Variants in SEMA5A observed in about 807,000 individuals in gnomAD.
The protein encoded by SEMA5A is semaphorin-5A.
SEMA5A carries 55 observed loss-of-function variants against 135.5 expected under a neutral mutation model. The ratio of observed to expected loss-of-function variants is 0.41; its 90% CI spans 0.33 to 0.51. The LOEUF is 0.51. Ranked by LOEUF, SEMA5A falls within the 20% of genes least tolerant of loss-of-function variation. The pLI, the probability that SEMA5A is intolerant of heterozygous loss-of-function variation, is 0.37. For missense variants in SEMA5A, 1,290 were observed against 1,419.9 expected (o/e 0.91, Z 1.47); for synonymous variants, 580 against 546.5 (o/e 1.06, Z -0.85).
At chr5:9,385,738 T>C (rs915637035) in intron 2 of SEMA5A, among the ~76,000 whole-genome samples, 1 of 151,024 alleles carries the variant, frequency 6.6e-6, no homozygotes, top group Non-Finnish European at 1.5e-5. Context: ...TTACAGATTG[T>C]CATAATGTAA....
chr5:9,334,407 T>G (rs943520869), intron 4 of SEMA5A, among the ~76,000 whole-genome samples: 1 of 152,196 alleles, frequency 6.6e-6, no homozygotes, highest in African/African-American at 2.4e-5. Flanking sequence ...CTGAGCCTAA[T>G]CCCATGAAAT....
rs546103642 is a variant in SEMA5A at position 9,423,420 on chromosome 5, G to A, written c.-78+14336C>T. Among the ~76,000 whole-genome samples, 9 of 152,210 alleles carry A rather than the reference G, an allele frequency of 5.9e-5. No homozygotes were observed. The East Asian group carries it at 9.7e-4, about 16-fold the overall frequency. ...GATCATTGTGCAGTACAAACTATGC[G>A]CAGCCTTTTCACAAAGGCTTCCCTA... On this transcript the variant is annotated intron_variant, in intron 2 of 22. Transcript: ENST00000382496.
intron 9 of SEMA5A, among the ~76,000 whole-genome samples, chr5:9,197,742 G>A (rs866206107): frequency 2.7e-5 from 3 of 112,524 alleles, no homozygotes; most frequent in East Asian, 5.5e-4. Flanking sequence ...GTGTGTGTGT[G>A]TGTGTGTGTG....
At chr5:9,370,191 C>T (rs1451750628) in intron 3 of SEMA5A, among the ~76,000 whole-genome samples, 3 of 152,172 alleles carry the variant, frequency 2.0e-5, no homozygotes, top group African/African-American at 7.2e-5. Context: ...ATCAAACATA[C>T]AAATGAGAAT....
chr5:9,292,542 A>G (rs1284311962), intron 5 of SEMA5A, among the ~76,000 whole-genome samples: 1 of 152,188 alleles, frequency 6.6e-6, no homozygotes, highest in Non-Finnish European at 1.5e-5. Flanking sequence ...AGGTAAATAA[A>G]TGGTGAATTT....
chr5:9,061,842 A>G (rs1737199629), intron 18 of SEMA5A, among the ~76,000 whole-genome samples: 1 of 152,176 alleles, frequency 6.6e-6, no homozygotes, highest in African/African-American at 2.4e-5. Flanking sequence ...TTAATGAGGT[A>G]GACCTTTTGT....
intron 12 of SEMA5A, among the ~76,000 whole-genome samples, chr5:9,146,572 G>A (rs867090239): frequency 1.4e-4 from 21 of 152,166 alleles, no homozygotes; most frequent in African/African-American, 4.8e-4. Context: ...AGGTCCTAGT[G>A]TATTCCGGGA....
At chr5:9,321,174 G>C (rs1752613125) in intron 4 of SEMA5A, among the ~76,000 whole-genome samples, 1 of 152,104 alleles carries the variant, frequency 6.6e-6, no homozygotes, top group Non-Finnish European at 1.5e-5. Flanking sequence ...GAAGGCCCAA[G>C]CTTGCTTCCC....
intron 4 of SEMA5A, among the ~76,000 whole-genome samples, chr5:9,319,196 C>G (rs1417431682): frequency 6.6e-6 from 1 of 151,912 alleles, no homozygotes; most frequent in East Asian, 1.9e-4. Flanking sequence ...AGGGCGAGAC[C>G]CTGTCTCAAA....
At chr5:9,275,017 C>G (rs1750179940) in intron 5 of SEMA5A, among the ~76,000 whole-genome samples, 1 of 151,824 alleles carries the variant, frequency 6.6e-6, no homozygotes, top group East Asian at 1.9e-4. Flanking sequence ...CATGAAAACC[C>G]CTCAAAAAAA....
At chr5:9,394,181 A>G (rs180803228) in intron 2 of SEMA5A, among the ~76,000 whole-genome samples, 5 of 152,212 alleles carry the variant, frequency 3.3e-5, no homozygotes, top group Admixed American at 1.3e-4. Flanking sequence ...CCCCCAGTGG[A>G]ATGAGGTCAC....
chr5:9,330,347 A>G (rs1201451024), intron 4 of SEMA5A, among the ~76,000 whole-genome samples: 8 of 151,518 alleles, frequency 5.3e-5, no homozygotes, highest in East Asian at 1.9e-4. Context: ...CTGAGATCAC[A>G]CCACTGCACT....
At chr5:9,298,770 A>G (rs1381967449) in intron 5 of SEMA5A, among the ~76,000 whole-genome samples, 1 of 152,212 alleles carries the variant, frequency 6.6e-6, no homozygotes, top group East Asian at 1.9e-4. Flanking sequence ...GGTAGCTGAC[A>G]TTTTTGCAGC....
At chr5:9,428,768 C>A (rs1384338388) in intron 2 of SEMA5A, among the ~76,000 whole-genome samples, 1 of 152,140 alleles carries the variant, frequency 6.6e-6, no homozygotes, top group Admixed American at 6.6e-5. Context: ...CAATAAACTT[C>A]TTAAACTAAA....
At chr5:9,501,616 C>T (rs887185570) in intron 1 of SEMA5A, among the ~76,000 whole-genome samples, 13 of 152,194 alleles carry the variant, frequency 8.5e-5, no homozygotes, top group African/African-American at 1.7e-4. Flanking sequence ...CGACCAGCTC[C>T]CTTCCCTCCT....
chr5:9,543,878 G>GA (rs545165485), intron 1 of SEMA5A, among the ~76,000 whole-genome samples: 26 of 149,754 alleles, frequency 1.7e-4, no homozygotes, highest in African/African-American at 3.2e-4. Context: ...TTTTGGAGGG[G>GA]AAAAAAAAAT....
At chr5:9,162,579 T>TAG (rs1560977382) in intron 11 of SEMA5A, among the ~76,000 whole-genome samples, 1 of 129,004 alleles carries the variant, frequency 7.8e-6, no homozygotes, top group African/African-American at 3.3e-5. Flanking sequence ...TATATATATA[T>TAG]ATATATACAC....
intron 3 of SEMA5A, among the ~76,000 whole-genome samples, chr5:9,377,665 G>T (rs194265): frequency 0.088 from 13,400 of 152,204 alleles, 691 homozygotes; most frequent in East Asian, 0.13. Context: ...GAAATAATTA[G>T]GTTGGTCAGC....
chr5:9,401,668 T>G (rs1298497493), intron 2 of SEMA5A, among the ~76,000 whole-genome samples: 1 of 152,172 alleles, frequency 6.6e-6, no homozygotes, highest in Non-Finnish European at 1.5e-5. Flanking sequence ...CAAGCATCTT[T>G]CCATAAATTA....
Sources: gnomAD v4.1 joint callset for allele counts (sites outside exome capture counted in the v4.1 genomes callset) on GRCh38, gnomAD v4.1.1 for gene constraint, MANE v1.5 for transcripts, NCBI Gene and HGNC (gene_info 2026-07-23, HGNC 2026-07-21) for gene names.